AAMDC: variants seen among roughly 807,000 people sequenced by gnomAD.
The protein encoded by AAMDC is adipogenesis associated Mth938 domain containing.
AAMDC carries 16 observed loss-of-function variants against 15.5 expected under a neutral mutation model. The observed-to-expected ratio is 1.03, with a 90% CI of 0.70 to 1.57. The LOEUF (loss-of-function observed/expected upper bound fraction) is 1.57, where lower values mean the gene tolerates loss of function less well. Ranked by LOEUF, AAMDC falls within the 40% of genes most tolerant of loss-of-function variation. The pLI, the probability that AAMDC is intolerant of heterozygous loss-of-function variation, is 0.00. For missense variants in AAMDC, 141 were observed against 144.9 expected, an observed-to-expected ratio of 0.97 and a Z score of 0.14; for synonymous variants, 51 against 51.6, an observed-to-expected ratio of 0.99 and a Z score of 0.05.
chr11:77,828,314 A>G (rs1234119341), intron 1 of AAMDC, among the ~76,000 whole-genome samples: 1 of 152,006 alleles, frequency 6.6e-6, no homozygotes, highest in African/African-American at 2.4e-5. Context: ...AATGATATCA[A>G]TAACTCCATT....
At chr11:77,871,816 A>C (rs1352692031) in intron 3 of AAMDC, among the ~76,000 whole-genome samples, 1 of 152,178 alleles carries the variant, frequency 6.6e-6, no homozygotes, top group Non-Finnish European at 1.5e-5. Context: ...TGTCATACCA[A>C]CCCTAGGTGT....
intron 1 of AAMDC, among the ~76,000 whole-genome samples, chr11:77,834,441 G>GTTTTTTTTTTTTTTTTTTTTT (rs11438814): frequency 2.8e-5 from 3 of 105,548 alleles, no homozygotes; most frequent in Non-Finnish European, 3.7e-5. Flanking sequence ...AGTTGATTTT[G>GTTTTTTTTTTTTTTTTTTTTT]TTTTTTTTTT....
intron 2 of AAMDC, among the ~76,000 whole-genome samples, chr11:77,858,509 G>C (rs1275383421): frequency 2.0e-5 from 3 of 151,774 alleles, no homozygotes; most frequent in Non-Finnish European, 4.4e-5. Flanking sequence ...CTACCTGATT[G>C]GTTGGGTGTG....
intron 5 of AAMDC, chr11:77,879,138 G>T (rs752209550): frequency 1.2e-6 from 2 of 1,613,708 alleles, no homozygotes; most frequent in Non-Finnish European, 1.7e-6. Flanking sequence ...CTGAAAAAAA[G>T]ATAAAAGAAA....
intron 2 of AAMDC, among the ~76,000 whole-genome samples, chr11:77,844,201 A>G (rs968073917): frequency 2.0e-5 from 3 of 152,190 alleles, no homozygotes; most frequent in East Asian, 3.8e-4. Flanking sequence ...TTATAAGGGC[A>G]CTAATCTCAT....
chr11:77,873,077 T>C (rs1450576512), downstream of AAMDC, among the ~76,000 whole-genome samples: 1 of 152,242 alleles, frequency 6.6e-6, no homozygotes, highest in African/African-American at 2.4e-5. Flanking sequence ...TAGAATAGAC[T>C]GAGAGAACTA....
intron 5 of AAMDC, among the ~76,000 whole-genome samples, chr11:77,893,949 T>C (rs1258739871): frequency 1.4e-5 from 2 of 147,710 alleles, no homozygotes; most frequent in Non-Finnish European, 3.0e-5. Context: ...CGAACAGTGT[T>C]GAAAAAAACA....
chr11:77,892,148 T>A (rs570817094), intron 5 of AAMDC, among the ~76,000 whole-genome samples: 1 of 152,238 alleles, frequency 6.6e-6, no homozygotes, highest in Non-Finnish European at 1.5e-5. Context: ...GATTCATTAA[T>A]TATTTTAACA....
chr11:77,862,138 G>A (rs1395214679), intron 2 of AAMDC, among the ~76,000 whole-genome samples: 3 of 152,146 alleles, frequency 2.0e-5, no homozygotes, highest in South Asian at 2.1e-4. Flanking sequence ...GCACCAATCT[G>A]TATGTTCTGA....
chr11:77,868,282 C>T (rs2136294281), intron 2 of AAMDC, among the ~76,000 whole-genome samples: 1 of 151,692 alleles, frequency 6.6e-6, no homozygotes, highest in East Asian at 1.9e-4. Flanking sequence ...TTCTTGATCT[C>T]CTGACCTCGT....
At chr11:77,904,160 C>A (rs553475527), downstream of AAMDC, among the ~76,000 whole-genome samples, 5 of 152,344 alleles carry the variant, frequency 3.3e-5, no homozygotes, top group East Asian at 9.6e-4. Flanking sequence ...TACCTTCCAT[C>A]TCTCTCCTCA....
chr11:77,858,174 A>G lies in AAMDC; in HGVS notation c.133-11548A>G, dbSNP rs150066203. 3.0e-3 allele frequency among the ~76,000 whole-genome samples: 427 copies of G among 143,554 alleles called. 5 individuals are homozygous for G. The highest frequency in any genetic ancestry group is 0.011 in the African/African-American group (411 of 38,182). 94.2% of individuals were successfully genotyped at this position (143,554 alleles called of 152,430 possible). On this transcript the variant is annotated intron_variant, in intron 2 of 3. Transcript: ENST00000393427. ...GCTGAGACTACAGTTGTGTGCCACC[A>G]TGCCTGGCTAATATATATAATTTTT...
rs369204427 is a variant in AAMDC, at chr11:77,896,129, G to A, written c.329-4442G>A. Among the ~76,000 whole-genome samples the A allele has an allele frequency of 4.8e-4, 73 of 152,114 alleles. No homozygotes were observed. In the East Asian group the frequency reaches 0.012, roughly 24 times the overall value. ...TTTAAAAATTCTAATCAACAACCTC[G>A]GTGAGAGTTAACAGGGGATTTAAAA... is the stretch of plus-strand genomic sequence containing the variant. On this transcript the variant is annotated intron_variant, in intron 5 of 5. Coordinates refer to the AAMDC transcript ENST00000304716.
At chr11:77,833,657 T>C (rs1000519485) in intron 1 of AAMDC, among the ~76,000 whole-genome samples, 3 of 152,250 alleles carry the variant, frequency 2.0e-5, no homozygotes, top group Non-Finnish European at 4.4e-5. Context: ...TTCTCAGAGT[T>C]AATCACTATT....
At chr11:77,877,320 T>C (rs1168179310), downstream of AAMDC, among the ~76,000 whole-genome samples, 2 of 152,206 alleles carry the variant, frequency 1.3e-5, no homozygotes, top group Non-Finnish European at 2.9e-5. Context: ...AAACCAAAAG[T>C]TAAAACATGC....
chr11:77,833,218 C>T (rs1325823552), intron 1 of AAMDC, among the ~76,000 whole-genome samples: 8 of 151,240 alleles, frequency 5.3e-5, no homozygotes, highest in African/African-American at 1.7e-4. Context: ...GCCATGTTGG[C>T]CAGGCTGTTT....
At chr11:77,879,288 G>A (rs1951700622) in intron 5 of AAMDC, among the ~76,000 whole-genome samples, 1 of 152,222 alleles carries the variant, frequency 6.6e-6, no homozygotes, top group South Asian at 2.1e-4. Context: ...CACTGAGCCT[G>A]CAGATGTGAT....
chr11:77,847,730 A>G (rs537182838), intron 2 of AAMDC, among the ~76,000 whole-genome samples: 1 of 152,344 alleles, frequency 6.6e-6, no homozygotes, highest in East Asian at 1.9e-4. Flanking sequence ...TATTCAGTTA[A>G]TAAGTCATAA....
chr11:77,866,410 T>TCGC (rs1951110454), intron 2 of AAMDC: 1 of 152,156 alleles, frequency 6.6e-6, no homozygotes, highest in Non-Finnish European at 1.5e-5. Context: ...AGCACAGGAA[T>TCGC]TGCTAGTGGC....
Sources: gnomAD v4.1 joint callset for allele counts (sites outside exome capture counted in the v4.1 genomes callset) on GRCh38, gnomAD v4.1.1 for gene constraint, MANE v1.5 for transcripts, NCBI Gene and HGNC (gene_info 2026-07-23, HGNC 2026-07-21) for gene names.